The following GAS2L3 variants were observed in gnomAD, a reference collection of about 807,000 sequenced individuals.
GAS2L3 encodes the protein GAS2-like protein 3.
In GAS2L3, 28 loss-of-function variants were observed where a neutral mutation model predicts 37.0. The ratio of observed to expected loss-of-function variants is 0.76; its 90% CI spans 0.56 to 1.04. The LOEUF is 1.04. GAS2L3 is among the 50% of genes least tolerant of loss of function. The pLI is 0.00. For missense variants in GAS2L3, 793 were observed against 817.6 expected (o/e 0.97, Z 0.37); for synonymous variants, 290 against 296.6 (o/e 0.98, Z 0.23).
chr12:100,596,002 G>C (rs1364738246), intron 3 of GAS2L3, among the ~76,000 whole-genome samples: 2 of 151,872 alleles, frequency 1.3e-5, no homozygotes, highest in African/African-American at 4.8e-5. Context: ...TGACAGCCTA[G>C]AGAAGAGAAT....
At chr12:100,579,679 C>G (rs544997957) in intron 1 of GAS2L3, 50 of 778,710 alleles carry the variant, frequency 6.4e-5, no homozygotes, top group Non-Finnish European at 1.1e-4. Flanking sequence ...CTTACTGAAG[C>G]ATTCTGCATG....
Position 100,624,909 on chromosome 12 carries a change from A to G in GAS2L3, c.*19A>G, listed in dbSNP as rs759776083. 1 of 1,498,888 alleles carries G rather than the reference A, an allele frequency of 6.7e-7. No individual in the cohort carries two copies. Among genetic ancestry groups the G allele is most frequent in the Non-Finnish European group, 9.1e-7 (1 of 1,102,658 alleles). 92.8% of individuals were successfully genotyped at this position (1,498,888 alleles called of 1,614,324 possible). On this transcript the variant is annotated 3_prime_UTR_variant, in exon 10 of 10. Coordinates refer to ENST00000547754, the MANE Select transcript of GAS2L3 (RefSeq NM_174942.3). ...AAAATAAATACATACTCATTATAAA[A>G]AAAGAGAAAAGGAAGAATGAATGTG...
rs536951660 is a variant in GAS2L3 at position 100,623,890 on chromosome 12, G to T, written c.1085G>T (p.Gly362Val). ...GTGCCAGCATCTTCACTGAAAGGAG[G>T]TAATCTGGGCTCTATGTCAGTCCGT... ...ALVPASSLKG[G>V]NLGSMSVRSK... Residue 362 changes from glycine to valine, a missense_variant, in exon 10 of 10, where the codon GGT becomes GTT. By Grantham distance (109) the Gly-to-Val change is moderately radical. Coordinates refer to ENST00000547754, the MANE Select transcript of GAS2L3 (RefSeq NM_174942.3). 3 of 1,614,074 alleles carry T rather than the reference G, an allele frequency of 1.9e-6. No homozygotes were observed. In the African/African-American group the frequency reaches 4.0e-5, roughly 22 times the overall value.
At chr12:100,574,379 G>A (rs1300253639) in intron 1 of GAS2L3, among the ~76,000 whole-genome samples, 1 of 152,164 alleles carries the variant, frequency 6.6e-6, no homozygotes, top group Non-Finnish European at 1.5e-5. Flanking sequence ...CACATGTGCG[G>A]AACTGGGGAA....
chr12:100,608,549 TCTCG>T (rs1956086025), intron 5 of GAS2L3, among the ~76,000 whole-genome samples: 3 of 151,466 alleles, frequency 2.0e-5, no homozygotes, highest in Admixed American at 2.0e-4. Context: ...TGAGACGGAG[TCTCG>T]CTCTGTCGCC....
chr12:100,623,526 A>G (rs1430052880), intron 9 of GAS2L3, 36 bp from the exon 10 acceptor site: 1 of 1,553,220 alleles, frequency 6.4e-7, no homozygotes, highest in Non-Finnish European at 8.7e-7. Context: ...ACCTCACAGT[A>G]TTACAGCTTT....
At chr12:100,610,414 A>G (rs1279545967) in intron 5 of GAS2L3, among the ~76,000 whole-genome samples, 1 of 152,202 alleles carries the variant, frequency 6.6e-6, no homozygotes, top group Non-Finnish European at 1.5e-5. Context: ...AGTTTATGTG[A>G]CATTTTGTAG....
At chr12:100,582,733 G>A (rs573240381) in intron 1 of GAS2L3, among the ~76,000 whole-genome samples, 1 of 152,254 alleles carries the variant, frequency 6.6e-6, no homozygotes, top group Admixed American at 6.5e-5. Context: ...CAAATTTATT[G>A]GTTTAAGACG....
intron 7 of GAS2L3, among the ~76,000 whole-genome samples, 180 bp downstream of exon 7, chr12:100,617,987 G>A (rs188644318): frequency 9.1e-4 from 138 of 152,084 alleles, no homozygotes; most frequent in Admixed American, 2.4e-3. Context: ...GTAAACATCC[G>A]AGTTCTCAAT....
At chr12:100,586,904 A>G (rs570134727) in intron 1 of GAS2L3, among the ~76,000 whole-genome samples, 1 of 152,358 alleles carries the variant, frequency 6.6e-6, no homozygotes, top group Admixed American at 6.5e-5. Context: ...ATTACAACTG[A>G]CAACACTGAA....
rs540740605 is a variant in GAS2L3 at position 100,619,308 on chromosome 12, G to C, written c.648+721G>C. ...TCTGTTCATTAGGTAGAAGTTAATA[G>C]AATTGCTCTTCCTTGGGTTGTGGGT... On this transcript the variant is annotated intron_variant, in intron 8 of 9. Coordinates refer to ENST00000547754, the MANE Select transcript of GAS2L3 (RefSeq NM_174942.3). Among the ~76,000 whole-genome samples the C allele has an allele frequency of 3.4e-4, 52 of 151,980 alleles. No homozygotes were observed. In the South Asian group the frequency reaches 0.011, roughly 32 times the overall value.
intron 1 of GAS2L3, among the ~76,000 whole-genome samples, chr12:100,585,340 G>T (rs1365126467): frequency 6.8e-6 from 1 of 147,828 alleles, no homozygotes; most frequent in African/African-American, 2.5e-5. Context: ...ACTGCAACCT[G>T]TGCCTCCTGG....
intron 8 of GAS2L3, among the ~76,000 whole-genome samples, chr12:100,620,146 G>GT (rs1449210409): frequency 6.6e-6 from 1 of 151,952 alleles, no homozygotes; most frequent in African/African-American, 2.4e-5. Context: ...AAATGAAAGT[G>GT]TTTATTACAT....
chr12:100,613,598 C>CTT (rs1230483335), intron 6 of GAS2L3, among the ~76,000 whole-genome samples: 1 of 141,128 alleles, frequency 7.1e-6, no homozygotes, highest in Non-Finnish European at 1.6e-5. Flanking sequence ...CCATTTCTTT[C>CTT]TTTTTTTTTT....
At chr12:100,579,307 T>A in intron 1 of GAS2L3, 1 of 643,874 alleles carries the variant, frequency 1.6e-6, no homozygotes, top group African/African-American at 1.8e-5. Flanking sequence ...CTTATACTAG[T>A]AAGGAAAATA....
At chr12:100,608,461 C>T (rs779333651) in intron 5 of GAS2L3, among the ~76,000 whole-genome samples, 1 of 152,180 alleles carries the variant, frequency 6.6e-6, no homozygotes, top group Non-Finnish European at 1.5e-5. Context: ...TTGTGTCCCT[C>T]CTTTCAGAGT....
chr12:100,612,390 C>T (rs144454571), intron 6 of GAS2L3: 447 of 404,694 alleles, frequency 1.1e-3, no homozygotes, highest in Admixed American at 3.8e-3. Flanking sequence ...GAGTTGGCTA[C>T]AGGAAGGTTC....
At chr12:100,596,682 C>T (rs997345742) in intron 3 of GAS2L3, among the ~76,000 whole-genome samples, 1 of 152,090 alleles carries the variant, frequency 6.6e-6, no homozygotes, top group Non-Finnish European at 1.5e-5. Flanking sequence ...CAAGATATTT[C>T]TTGCCATTCA....
At position 100,624,849 on chromosome 12, in the gene GAS2L3, C is replaced by T; in HGVS notation, c.2044C>T (p.His682Tyr). The T allele has an allele frequency of 6.2e-7, 1 of 1,604,216 alleles. No individual in the cohort carries two copies. The highest frequency in any genetic ancestry group is 8.5e-7 in the Non-Finnish European group (1 of 1,172,982). ...TGCAAAGAAAAAGGAAGATGATGACCATTATTTTGTCATGACTGGAAGTAA... is the reference window on the plus strand; with the variant it reads ...TGCAAAGAAAAAGGAAGATGATGACTATTATTTTGTCATGACTGGAAGTAA... Reference protein sequence around the residue: ...PTAKKKEDDDHYFVMTGSKKP... With the variant: ...PTAKKKEDDDYYFVMTGSKKP... The change falls in exon 10 of 10, where the codon CAT (histidine) becomes TAT (tyrosine). Residue 682 changes from histidine (H) to tyrosine (Y), a missense_variant. Transcript: ENST00000547754.
Sources: gnomAD v4.1 joint callset for allele counts (sites outside exome capture counted in the v4.1 genomes callset) on GRCh38, gnomAD v4.1.1 for gene constraint, MANE v1.5 for transcripts, NCBI Gene and HGNC (gene_info 2026-07-23, HGNC 2026-07-21) for gene names.